The following BRD2 variants were observed in gnomAD, a reference collection of about 807,000 sequenced individuals.
The protein encoded by BRD2 is bromodomain-containing protein 2.
A neutral mutation model predicts 79.1 loss-of-function variants in BRD2; 15 were observed. That is an observed-to-expected ratio of 0.19 (90% CI 0.13 to 0.29). BRD2 has a LOEUF of 0.29. Among genes scored for constraint, BRD2 ranks in the 10% least tolerant of loss-of-function variants. The pLI, the probability that BRD2 is intolerant of heterozygous loss-of-function variation, is 1.00. For synonymous variants in BRD2, 488 were observed against 358.6 expected, an observed-to-expected ratio of 1.36 and a Z score of -4.08; for missense variants, 1,053 against 991.3, an observed-to-expected ratio of 1.06 and a Z score of -0.84.
Position 32,972,040 on chromosome 6 carries a change from A to C in BRD2, c.-859A>C. On this transcript the variant is annotated 5_prime_UTR_variant, in exon 2 of 13. Transcript: ENST00000374825. ...TGGCCAATAGAAAAAGCTCCCGCGG[A>C]GAGGTGTTCCTTCCCCTTCGACTCA... 2.9e-6 allele frequency: 2 copies of C among 701,518 alleles called. No individual in the cohort carries two copies. The highest frequency in any genetic ancestry group is 5.2e-6 in the Non-Finnish European group (2 of 384,736). The allele number at this position is 701,518 out of a possible 1,614,324, so 43.5% of individuals were successfully genotyped here.
Position 32,975,934 on chromosome 6 carries a change from A to G in BRD2, c.472-97A>G, listed in dbSNP as rs572166452. 3.0e-5 allele frequency: 41 copies of G among 1,369,482 alleles called. No homozygotes were observed. The Admixed American group carries it at 9.7e-4, about 32-fold the overall frequency. The allele number at this position is 1,369,482 out of a possible 1,614,324, so 84.8% of individuals were successfully genotyped here. On this transcript the variant is annotated intron_variant, in intron 4 of 12. Transcript: ENST00000374825. Reference sequence around the variant, plus strand: ...ACAAGATGACTGGTGGGGGTATGGTAATGGCCTAGGGCCTGAATGCCTCTG... The same window carrying G: ...ACAAGATGACTGGTGGGGGTATGGTGATGGCCTAGGGCCTGAATGCCTCTG...
At chr6:32,975,584 A>T in intron 4 of BRD2, 63 bp downstream of exon 4, 2 of 1,576,458 alleles carry the variant, frequency 1.3e-6, no homozygotes, top group Non-Finnish European at 1.7e-6. Flanking sequence ...TTATTGCTGG[A>T]TATGTTGTCT....
rs1779317162 is a variant in BRD2, at chr6:32,980,029, A to G, written c.2043A>G (p.Pro681=). ...AREPSLRDSN[P]EEIEIDFETL... is the part of the protein sequence containing the mutation. ...AGCCCTCTTTACGTGATTCAAACCC[A>G]GAAGAGATTGAGATTGATTTTGAAA... Residue 681 remains proline (P), a synonymous_variant, in exon 11 of 13, where the codon CCA becomes CCG. Coordinates refer to ENST00000374825, the MANE Select transcript of BRD2 (RefSeq NM_005104.4). 6.2e-7 allele frequency: 1 copy of G among 1,613,132 alleles called. No homozygotes were observed. The highest frequency in any genetic ancestry group is 8.5e-7 in the Non-Finnish European group (1 of 1,180,024).
rs368437378 is a variant in BRD2, at chr6:32,974,503, C to T, written c.71C>T (p.Pro24Leu). Residue 24 changes from proline to leucine, a missense_variant, in exon 3 of 13, where the codon CCA becomes CTA. Physicochemically the swap from Pro to Leu is moderately conservative, Grantham distance 98 (BLOSUM62 -3). Transcript: ENST00000374825. Reference sequence around the variant, plus strand: ...AATGCAGGGTTGCTGGGGCTGGGCCCAGAAGCAGCAGCACCAGGGAAGAGG... The same window carrying T: ...AATGCAGGGTTGCTGGGGCTGGGCCTAGAAGCAGCAGCACCAGGGAAGAGG... Reference protein sequence around the residue: ...EGNAGLLGLGPEAAAPGKRIR... With the variant: ...EGNAGLLGLGLEAAAPGKRIR... The T allele has an allele frequency of 3.7e-6, 6 of 1,613,564 alleles. No homozygotes were observed. In the African/African-American group the frequency reaches 5.3e-5, roughly 14 times the overall value.
rs754222308 is a variant in BRD2, at chr6:32,979,945, C to T, written c.1959C>T (p.Asp653=). The T allele has an allele frequency of 3.1e-6, 5 of 1,613,200 alleles. No homozygotes were observed. The Admixed American group carries it at 5.0e-5, about 16-fold the overall frequency. ...ATGAGAAGCGGCAGCTGAGCCTGGA[C>T]ATCAACAAATTACCTGGGGAGAAGC... ...SYDEKRQLSL[D]INKLPGEKLG... is the part of the protein sequence containing the mutation. Residue 653 remains aspartate, a synonymous_variant, in exon 11 of 13, where the codon GAC becomes GAT. Coordinates refer to ENST00000374825, the MANE Select transcript of BRD2 (RefSeq NM_005104.4).
rs780623676 is a variant in BRD2, at chr6:32,977,483, T to C, written c.1242T>C (p.Phe414=). 13 of 1,613,928 alleles carry C rather than the reference T, an allele frequency of 8.1e-6. No homozygotes were observed. Among genetic ancestry groups the C allele is most frequent in the South Asian group, 7.7e-5 (7 of 91,090 alleles). ...GTGATTACCGGGATGCACAGGAGTT[T>C]GCTGCTGATGTACGGCTTATGTTCT... is the stretch of plus-strand genomic sequence containing the variant. ...ENRDYRDAQE[F]AADVRLMFSN... is the part of the protein sequence containing the mutation. Residue 414 remains phenylalanine (F), a synonymous_variant, in exon 8 of 13, where the codon TTT becomes TTC. Transcript: ENST00000374825.
At position 32,977,688 on chromosome 6, in the gene BRD2, T is replaced by C. The variant is rs1361897528; in HGVS notation, c.1330-69T>C. 1.4e-5 allele frequency: 23 copies of C among 1,605,332 alleles called. No individual in the cohort carries two copies. The African/African-American group carries it at 2.7e-4, about 19-fold the overall frequency. Reference sequence around the variant, plus strand: ...TCTGTACAGTTGTAAATTGGAGCTATATCACTTGGTGGCTGGGTATGTAGG... The same window carrying C: ...TCTGTACAGTTGTAAATTGGAGCTACATCACTTGGTGGCTGGGTATGTAGG... On this transcript the variant is annotated intron_variant, in intron 8 of 12. Transcript: ENST00000374825.
chr6:32,973,056 C>A (rs1346585826), intron 2 of BRD2, 129 bp downstream of exon 2: 4 of 1,601,354 alleles, frequency 2.5e-6, no homozygotes, highest in South Asian at 2.2e-5. Flanking sequence ...TCGACTCGGT[C>A]GCGCGGAGGG....
Position 32,980,824 on chromosome 6 carries a change from C to CA in BRD2, c.*106_*107insA, listed in dbSNP as rs1779450838. ...TGCTGTGACACTTCTTCATCTCACC[C>CA]CCCCCCGCCCCCCTCTAGGAGAGCT... On this transcript the variant is annotated 3_prime_UTR_variant, in exon 13 of 13. Transcript: ENST00000374825. 16 of 1,339,250 alleles carry CA rather than the reference C, an allele frequency of 1.2e-5. No individual in the cohort carries two copies. The highest frequency in any genetic ancestry group is 1.5e-5 in the Non-Finnish European group (15 of 968,502). The allele number at this position is 1,339,250 out of a possible 1,614,324, so 83.0% of individuals were successfully genotyped here.
At chr6:32,977,057 A>T in intron 7 of BRD2, 121 bp downstream of exon 7, 1 of 1,338,528 alleles carries the variant, frequency 7.5e-7, no homozygotes, top group South Asian at 1.5e-5. Context: ...ACTTTTATAA[A>T]ATAATAGTGG....
chr6:32,973,789 C>G, intron 2 of BRD2, among the ~76,000 whole-genome samples: 1 of 152,052 alleles, frequency 6.6e-6, no homozygotes, highest in Non-Finnish European at 1.5e-5. Context: ...AGTGAGGAGA[C>G]TCTGATTTGG....
In BRD2 at chr6:32,978,226, C is replaced by G. The variant is rs1250920619; in HGVS notation, c.1679C>G (p.Ala560Gly). 2 of 1,612,860 alleles carry G rather than the reference C, an allele frequency of 1.2e-6. No individual in the cohort carries two copies. The highest frequency in any genetic ancestry group is 1.3e-5 in the African/African-American group (1 of 74,870). Residue 560 changes from alanine to glycine, a missense_variant, in exon 10 of 13, where the codon GCA (alanine) becomes GGA (glycine). By Grantham distance (60) the Ala-to-Gly change is moderately conservative. This residue lies in a region of BRD2 where 454 missense variants were observed against 430.5 expected (regional missense o/e 1.05). Coordinates refer to ENST00000374825, the MANE Select transcript of BRD2 (RefSeq NM_005104.4). ...EKKEKKKKRK[A>G]EKHRGRAGAD... is the part of the protein sequence containing the mutation. Reference sequence around the variant, plus strand: ...AAAGAGAAAAAGAAGAAACGGAAGGCAGAGAAGCATCGAGGCCGAGCTGGG... The same window carrying G: ...AAAGAGAAAAAGAAGAAACGGAAGGGAGAGAAGCATCGAGGCCGAGCTGGG...
At chr6:32,975,894 CTT>C in intron 4 of BRD2, 135 bp from the exon 5 acceptor site, 1 of 1,085,770 alleles carries the variant, frequency 9.2e-7, no homozygotes, top group Non-Finnish European at 1.3e-6. Flanking sequence ...AGGAAATTTT[CTT>C]TAAGATTTGA....
chr6:32,977,247 T>C, intron 7 of BRD2, 195 bp from the exon 8 acceptor site: 1 of 1,538,318 alleles, frequency 6.5e-7, no homozygotes, highest in Non-Finnish European at 8.7e-7. Context: ...TTAGAAATGA[T>C]TTCTTTTTCT....
rs886509076 is a variant in BRD2, at chr6:32,975,491, C to T, written c.441C>T (p.Thr147=). The T allele has an allele frequency of 1.9e-6, 3 of 1,612,336 alleles. No homozygotes were observed. Among genetic ancestry groups the T allele is most frequent in the Non-Finnish European group, 2.5e-6 (3 of 1,179,774 alleles). Reference sequence around the variant, plus strand: ...CAGAGTGTATGCAAGATTTTAATACCATGTTCACCAACTGTTACATTTACA... The same window carrying T: ...CAGAGTGTATGCAAGATTTTAATACTATGTTCACCAACTGTTACATTTACA... ...AASECMQDFN[T]MFTNCYIYNK... Residue 147 remains threonine, a synonymous_variant, in exon 4 of 13, where the codon ACC becomes ACT. Coordinates refer to ENST00000374825, the MANE Select transcript of BRD2 (RefSeq NM_005104.4).
chr6:32,977,047 A>G (rs1319842623), intron 7 of BRD2, 111 bp downstream of exon 7: 1 of 1,394,646 alleles, frequency 7.2e-7, no homozygotes, highest in Non-Finnish European at 9.5e-7. Flanking sequence ...TTGGCATTTT[A>G]CTTTTATAAA....
rs1554147389 is a variant in BRD2 at position 32,979,043 on chromosome 6, T to TTTTTTTTTG, written c.1841+658_1841+659insTTTTTGTTT. On this transcript the variant is annotated intron_variant, in intron 10 of 12. Coordinates refer to ENST00000374825, the MANE Select transcript of BRD2 (RefSeq NM_005104.4). ...TTTGGTTTTTTGGTGTGGTTTTGTG[T>TTTTTTTTTG]TTTGTTTTTTTTTGTTAGTTTGTTT... 233 of 77,438 alleles carry TTTTTTTTTG rather than the reference T, an allele frequency of 3.0e-3. 28 individuals carry two copies. Among genetic ancestry groups the TTTTTTTTTG allele is most frequent in the Middle Eastern group, 7.4e-3 (1 of 136 alleles). The allele number at this position is 77,438 out of a possible 1,614,324, so 4.8% of individuals were successfully genotyped here. A position where few individuals can be genotyped will look rare whatever the true frequency, so the allele number is the denominator to read the frequency against.
At chr6:32,979,681 C>T (rs986081302) in intron 10 of BRD2, 147 bp from the exon 11 acceptor site, 1 of 879,654 alleles carries the variant, frequency 1.1e-6, no homozygotes, top group South Asian at 1.8e-5. Context: ...ATACAGTGTC[C>T]CAGTAGCCCA....
Position 32,977,906 on chromosome 6 carries a change from AGAG to A in BRD2, c.1488_1490del (p.Glu497del), listed in dbSNP as rs565401934. ...GTAGCAGTGAGAGCTCCTCTGAGGA[AGAG>A]GAGGAGGAAGATGAGGAGGACGAGG... is the stretch of plus-strand genomic sequence containing the variant. On this transcript the variant is annotated inframe_deletion, in exon 9 of 13. Coordinates refer to ENST00000374825, the MANE Select transcript of BRD2 (RefSeq NM_005104.4). 791 of 1,612,908 alleles carry A rather than the reference AGAG, an allele frequency of 4.9e-4. 4 individuals carry two copies. The African/African-American group carries it at 9.8e-3, about 20-fold the overall frequency.
Sources: gnomAD v4.1 joint callset for allele counts (sites outside exome capture counted in the v4.1 genomes callset) on GRCh38, gnomAD v4.1.1 for gene constraint, gnomAD v4.1.1 regional missense constraint, MANE v1.5 for transcripts, NCBI Gene and HGNC (gene_info 2026-07-23, HGNC 2026-07-21) for gene names.